The following TOP1 variants were observed in gnomAD, a reference collection of about 807,000 sequenced individuals.
TOP1 encodes DNA topoisomerase I, also known as DNA topoisomerase 1.
Under a neutral mutation model 111.1 loss-of-function variants are expected in TOP1, and 10 were observed. That is an observed-to-expected ratio of 0.09 (90% confidence interval 0.06 to 0.15). TOP1 has a LOEUF of 0.15. Among genes scored for constraint, TOP1 ranks in the 10% least tolerant of loss-of-function variants. The pLI is 1.00. For missense variants in TOP1, 474 were observed against 926.7 expected, an observed-to-expected ratio of 0.51 and a Z score of 6.34; for synonymous variants, 271 against 302.9, an observed-to-expected ratio of 0.89 and a Z score of 1.10.
chr20:41,070,094 C>T (rs17178803), intron 3 of TOP1, among the ~76,000 whole-genome samples: 10,090 of 152,050 alleles, frequency 0.066, 364 homozygotes, highest in Middle Eastern at 0.17. Context: ...TGTTGGGACT[C>T]GATTCTGAGC....
At position 41,076,161 on chromosome 20, in the gene TOP1, C is replaced by T. The variant is rs764952648; in HGVS notation, c.156-10C>T. On this transcript the variant is annotated splice_polypyrimidine_tract_variant and intron_variant, in intron 3 of 20. Transcript: ENST00000361337. ...TCTGGGCTAACGCTTTGTGACTTAA[C>T]TTTTTACAGTGAACATAAAGATTCT... 6.9e-6 allele frequency: 11 copies of T among 1,605,226 alleles called. No individual in the cohort carries two copies. The South Asian group carries it at 1.0e-4, about 15-fold the overall frequency.
At chr20:41,093,019 T>TAATAGTCA (rs2033938470) in intron 9 of TOP1, among the ~76,000 whole-genome samples, 1 of 152,226 alleles carries the variant, frequency 6.6e-6, no homozygotes, top group Non-Finnish European at 1.5e-5. Flanking sequence ...GGTCGAGGAT[T>TAATAGTCA]AATAGTCTGC....
chr20:41,054,404 G>C (rs1181849012), intron 2 of TOP1, among the ~76,000 whole-genome samples: 1 of 152,032 alleles, frequency 6.6e-6, no homozygotes, highest in Non-Finnish European at 1.5e-5. Context: ...AGTTTCCTGA[G>C]GCCTTCCCAG....
At position 41,097,205 on chromosome 20, in the gene TOP1, C is replaced by T; in HGVS notation, c.731-15C>T. The stretch of plus-strand genomic sequence containing the variant: ...AATACTATACCTCACTTTTTGGAAC[C>T]ACTTTTTTCTCTAGGTAAAGTCATG... On this transcript the variant is annotated splice_polypyrimidine_tract_variant and intron_variant, in intron 9 of 20. Coordinates refer to ENST00000361337, the MANE Select transcript of TOP1 (RefSeq NM_003286.4). This position sits in a 1 kb window ranked among gnomAD's most constrained non-coding sequence, Gnocchi z 4.2. 1 of 1,607,788 alleles carries T rather than the reference C, an allele frequency of 6.2e-7. No homozygotes were observed. Among genetic ancestry groups the T allele is most frequent in the Non-Finnish European group, 8.5e-7 (1 of 1,178,552 alleles).
chr20:41,098,221 A>G lies in TOP1; in HGVS notation c.859A>G (p.Thr287Ala). The change falls in exon 11 of 21, where the codon ACT (threonine) becomes GCT (alanine). Residue 287 changes from threonine to alanine, a missense_variant. Transcript: ENST00000361337. The surrounding 1 kb of genome is among the most constrained non-coding windows in gnomAD (Gnocchi z 5.7). ...NFFKDWRKEM[T>A]NEEKNIITNL... ...CCCATTTTCTTTTGACTAGGAAATG[A>G]CTAATGAAGAGAAGAATATTATCAC... 2.5e-6 allele frequency: 4 copies of G among 1,613,802 alleles called. No homozygotes were observed. The highest frequency in any genetic ancestry group is 2.2e-5 in the South Asian group (2 of 91,060).
intron 2 of TOP1, among the ~76,000 whole-genome samples, chr20:41,049,573 T>C (rs1325930943): frequency 6.6e-6 from 1 of 152,192 alleles, no homozygotes; most frequent in African/African-American, 2.4e-5. Flanking sequence ...CCAGTGAAAC[T>C]TGGGCAGTTA....
In TOP1 at chr20:41,120,968, C is replaced by T. The variant is rs187557270; in HGVS notation, c.1951-728C>T. 2.1e-3 allele frequency among the ~76,000 whole-genome samples: 313 copies of T among 152,284 alleles called. 4 individuals are homozygous for T. The highest frequency in any genetic ancestry group is 5.2e-3 in the South Asian group (25 of 4,822). ...GTGTTAGCCAGGATGGTCTTGATCT[C>T]CTGACCTTGTGATCCGCCCTCCTCA... On this transcript the variant is annotated intron_variant, in intron 18 of 20. Transcript: ENST00000361337.
At position 41,061,521 on chromosome 20, in the gene TOP1, AT is replaced by A. The variant is rs753146822; in HGVS notation, c.155+33del. The A allele has an allele frequency of 1.3e-4, 201 of 1,552,774 alleles. No individual in the cohort carries two copies. The East Asian group carries it at 3.6e-3, about 28-fold the overall frequency. ...GGTGGAATCAAGCAAGTCCCTCATC[AT>A]TCAGCAGTGGGTTGGCCATTGCTTG... On this transcript the variant is annotated intron_variant, in intron 3 of 20. Coordinates refer to ENST00000361337, the MANE Select transcript of TOP1 (RefSeq NM_003286.4). This position sits in a 1 kb window ranked among gnomAD's most constrained non-coding sequence, Gnocchi z 4.6.
chr20:41,075,424 G>C (rs953632722), intron 3 of TOP1, among the ~76,000 whole-genome samples: 1 of 152,182 alleles, frequency 6.6e-6, no homozygotes, highest in African/African-American at 2.4e-5. Flanking sequence ...GCCTGCCTCG[G>C]CCTTCCAAAG....
Position 41,081,597 on chromosome 20 carries a change from C to G in TOP1, c.507+357C>G, listed in dbSNP as rs1473854278. ...GGCTTATAACCCTGAAGAAATTTCC[C>G]TAAGAATTTTTTGCTGATCATTCAC... On this transcript the variant is annotated intron_variant, in intron 7 of 20. Transcript: ENST00000361337. 2.0e-5 allele frequency among the ~76,000 whole-genome samples: 3 copies of G among 152,158 alleles called. No homozygotes were observed. In the East Asian group the frequency reaches 5.8e-4, roughly 29 times the overall value.
chr20:41,115,511 G>A lies in TOP1; in HGVS notation c.1707+72G>A, dbSNP rs2034314863. ...CTCACAGTACCTAAAGGGGAGGGTTGCTGGCAGATGACTTGGGCTCTCCCT... is the reference window on the plus strand; with the variant it reads ...CTCACAGTACCTAAAGGGGAGGGTTACTGGCAGATGACTTGGGCTCTCCCT... On this transcript the variant is annotated intron_variant, in intron 16 of 20. Coordinates refer to ENST00000361337, the MANE Select transcript of TOP1 (RefSeq NM_003286.4). This position sits in a 1 kb window ranked among gnomAD's most constrained non-coding sequence, Gnocchi z 6.3. The A allele has an allele frequency of 7.6e-6, 9 of 1,179,762 alleles. No individual in the cohort carries two copies. The Admixed American group carries it at 1.5e-4, about 20-fold the overall frequency. 73.1% of individuals were successfully genotyped at this position (1,179,762 alleles called of 1,614,324 possible). A position where few individuals can be genotyped will look rare whatever the true frequency, so the allele number is the denominator to read the frequency against.
chr20:41,045,117 T>C (rs2033317754), intron 2 of TOP1, among the ~76,000 whole-genome samples: 1 of 152,214 alleles, frequency 6.6e-6, no homozygotes, highest in South Asian at 2.1e-4. Flanking sequence ...CCTTGAAATA[T>C]GTGGTAAGTG....
rs939338263 is a variant in TOP1 at position 41,099,212 on chromosome 20, A to C, written c.976-844A>C. On this transcript the variant is annotated intron_variant, in intron 11 of 20. Transcript: ENST00000361337. ...TATTTGGTCACTAGTTTAAAAATTA[A>C]TGCATTACTATAAGAATGTTAATTG... Among the ~76,000 whole-genome samples, 10 of 152,204 alleles carry C rather than the reference A, an allele frequency of 6.6e-5. No homozygotes were observed. The East Asian group carries it at 1.9e-3, about 29-fold the overall frequency.
chr20:41,114,060 C>T lies in TOP1; in HGVS notation c.1543C>T (p.His515Tyr), dbSNP rs1449586268. 7 of 1,614,030 alleles carry T rather than the reference C, an allele frequency of 4.3e-6. No individual in the cohort carries two copies. The African/African-American group carries it at 8.0e-5, about 18-fold the overall frequency. ...ACTTCGTGTGGAGCACATCAATCTA[C>T]ACCCAGAGTTGGATGGTCAGGAATA... The part of the protein sequence containing the change: ...CSLRVEHINL[H>Y]PELDGQEYVV... The change falls in exon 15 of 21, where the codon CAC becomes TAC. Residue 515 changes from histidine to tyrosine, a missense_variant. Coordinates refer to ENST00000361337, the MANE Select transcript of TOP1 (RefSeq NM_003286.4). The surrounding 1 kb of genome is among the most constrained non-coding windows in gnomAD (Gnocchi z 4.5).
chr20:41,072,297 C>T, intron 3 of TOP1: 4 of 985,086 alleles, frequency 4.1e-6, no homozygotes, highest in South Asian at 4.7e-5. Context: ...AATACAGTAT[C>T]TCTTAAAACA....
In TOP1 at chr20:41,097,146, T is replaced by C. The variant is rs1438334471; in HGVS notation, c.731-74T>C. 2.0e-6 allele frequency: 3 copies of C among 1,531,922 alleles called. No homozygotes were observed. Among genetic ancestry groups the C allele is most frequent in the African/African-American group, 1.4e-5 (1 of 71,958 alleles). 94.9% of individuals were successfully genotyped at this position (1,531,922 alleles called of 1,614,324 possible). On this transcript the variant is annotated intron_variant, in intron 9 of 20. Coordinates refer to ENST00000361337, the MANE Select transcript of TOP1 (RefSeq NM_003286.4). This position sits in a 1 kb window ranked among gnomAD's most constrained non-coding sequence, Gnocchi z 4.2. Reference sequence around the variant, plus strand: ...GAAGGCAAACCATTATTAAAGAGAATTCGCTAGCCCTGGGTATTTATGCTT... The same window carrying C: ...GAAGGCAAACCATTATTAAAGAGAACTCGCTAGCCCTGGGTATTTATGCTT...
chr20:41,066,181 A>G (rs2033604307), intron 3 of TOP1, among the ~76,000 whole-genome samples: 1 of 152,218 alleles, frequency 6.6e-6, no homozygotes, highest in African/African-American at 2.4e-5. Context: ...GAGGAAAGAT[A>G]CAGTAAAAGT....
rs1408755891 is a variant in TOP1, at chr20:41,102,542, A to G, written c.1308+1189A>G. 1.3e-5 allele frequency among the ~76,000 whole-genome samples: 2 copies of G among 152,178 alleles called. No homozygotes were observed. Among genetic ancestry groups the G allele is most frequent in the Non-Finnish European group, 2.9e-5 (2 of 68,036 alleles). ...GGAGAATCGCTTGAACCTGGGAGGC[A>G]GAGGTCGCAGTGAGCTGAGATCACG... On this transcript the variant is annotated intron_variant, in intron 13 of 20. Coordinates refer to ENST00000361337, the MANE Select transcript of TOP1 (RefSeq NM_003286.4). This position sits in a 1 kb window ranked among gnomAD's most constrained non-coding sequence, Gnocchi z 4.0.
intron 2 of TOP1, among the ~76,000 whole-genome samples, chr20:41,051,232 A>G (rs2033401758): frequency 6.6e-6 from 1 of 152,208 alleles, no homozygotes; most frequent in South Asian, 2.1e-4. Context: ...TTATCTTTGA[A>G]GGAGGAGCCC....
Sources: gnomAD v4.1 joint callset for allele counts (sites outside exome capture counted in the v4.1 genomes callset) on GRCh38, gnomAD v4.1.1 for gene constraint, Gnocchi (gnomAD v3.1) non-coding constraint, MANE v1.5 for transcripts, NCBI Gene and HGNC (gene_info 2026-07-23, HGNC 2026-07-21) for gene names.